ITPRID1: variants seen among roughly 807,000 people sequenced by gnomAD.
The protein encoded by ITPRID1 is ITPR interacting domain containing 1.
Under a neutral mutation model 95.4 loss-of-function variants are expected in ITPRID1, and 96 were observed. The ratio of observed to expected loss-of-function variants is 1.01; its 90% confidence interval spans 0.85 to 1.19. The LOEUF is 1.19. Among genes scored for constraint, ITPRID1 ranks in the 50% most tolerant of loss-of-function variants. ITPRID1 has a pLI of 0.00. For synonymous variants in ITPRID1, 510 were observed against 453.6 expected, an observed-to-expected ratio of 1.12 and a Z score of -1.58; for missense variants, 1,339 against 1,252.9, an observed-to-expected ratio of 1.07 and a Z score of -1.04.
chr7:31,519,638 A>C, intron 1 of ITPRID1, among the ~76,000 whole-genome samples: 1 of 130,320 alleles, frequency 7.7e-6, no homozygotes, highest in South Asian at 2.6e-4. Flanking sequence ...ATATATATAT[A>C]TATATATAAA....
At chr7:31,529,747 G>A in intron 1 of ITPRID1, 1 of 1,534,070 alleles carries the variant, frequency 6.5e-7, no homozygotes, top group Non-Finnish European at 8.7e-7. Context: ...AAAAGGCACA[G>A]AAGATCTCCA....
intron 7 of ITPRID1, among the ~76,000 whole-genome samples, chr7:31,573,823 TTAAA>T (rs1312763108): frequency 4.0e-5 from 6 of 150,282 alleles, no homozygotes; most frequent in African/African-American, 7.3e-5. Context: ...TATAACAAAA[TTAAA>T]TAATTTAGAT....
chr7:31,637,181 G>A (rs369091685), intron 10 of ITPRID1, among the ~76,000 whole-genome samples: 2 of 152,042 alleles, frequency 1.3e-5, no homozygotes, highest in East Asian at 1.9e-4. Context: ...ATTGTGAATA[G>A]TGCCGCAATA....
chr7:31,604,741 A>G (rs1316343029), intron 10 of ITPRID1, among the ~76,000 whole-genome samples: 1 of 152,234 alleles, frequency 6.6e-6, no homozygotes, highest in Non-Finnish European at 1.5e-5. Flanking sequence ...AAGTTTAACA[A>G]GAGATGTGTT....
At chr7:31,528,550 A>G (rs1425377187) in intron 1 of ITPRID1, among the ~76,000 whole-genome samples, 1 of 152,160 alleles carries the variant, frequency 6.6e-6, no homozygotes, top group Non-Finnish European at 1.5e-5. Flanking sequence ...TGGGCTCCTG[A>G]GAGGCAGAAT....
At chr7:31,586,753 T>C (rs1200125563) in intron 10 of ITPRID1, among the ~76,000 whole-genome samples, 1 of 152,022 alleles carries the variant, frequency 6.6e-6, no homozygotes. Flanking sequence ...CTTTGTCAGA[T>C]GAGTAGGTTG....
chr7:31,629,936 T>C (rs1282729388), intron 10 of ITPRID1, among the ~76,000 whole-genome samples: 3 of 152,266 alleles, frequency 2.0e-5, no homozygotes, highest in South Asian at 4.1e-4. Context: ...TTGTAAAATA[T>C]ACAAACATGA....
downstream of ITPRID1, among the ~76,000 whole-genome samples, chr7:31,657,382 T>C (rs1791355242): frequency 6.6e-6 from 1 of 152,220 alleles, no homozygotes; most frequent in Non-Finnish European, 1.5e-5. Flanking sequence ...CATTGAACAT[T>C]AGCAGAAATT....
rs544349969 is a variant in ITPRID1 at position 31,652,636 on chromosome 7, C to A, written c.2942C>A (p.Pro981Gln). ...SCSKIHPGMA[P>Q]RTVFPPDDGQ... ...TCTAAAATCCACCCAGGCATGGCCC[C>A]GAGGACTGTGTTTCCTCCCGATGAT... Residue 981 changes from proline to glutamine, a missense_variant, in exon 15 of 15, where the codon CCG (proline) becomes CAG (glutamine). Physicochemically the swap from Pro to Gln is moderately conservative, Grantham distance 76. Transcript: ENST00000615280. The A allele has an allele frequency of 3.7e-6, 6 of 1,613,786 alleles. No homozygotes were observed. The highest frequency in any genetic ancestry group is 5.1e-6 in the Non-Finnish European group (6 of 1,179,824).
At chr7:31,645,003 C>T (rs1393364660) in intron 12 of ITPRID1, among the ~76,000 whole-genome samples, 1 of 152,168 alleles carries the variant, frequency 6.6e-6, no homozygotes, top group Non-Finnish European at 1.5e-5. Context: ...TTAATCCATT[C>T]CATAAATATT....
intron 10 of ITPRID1, among the ~76,000 whole-genome samples, chr7:31,606,468 AG>A (rs1786630130): frequency 6.6e-6 from 1 of 152,106 alleles, no homozygotes; most frequent in Non-Finnish European, 1.5e-5. Flanking sequence ...CGAGAGAGAG[AG>A]AGAGGAAAAA....
chr7:31,583,093 G>A (rs1224385028), intron 9 of ITPRID1, 41 bp from the exon 10 acceptor site: 1 of 1,450,494 alleles, frequency 6.9e-7, no homozygotes, highest in African/African-American at 1.4e-5. Context: ...GAATTTATTT[G>A]ACAAAATTTC....
At position 31,652,824 on chromosome 7, in the gene ITPRID1, C is replaced by T. The variant is rs1791084331; in HGVS notation, c.3130C>T (p.Leu1044Phe). 6.2e-7 allele frequency: 1 copy of T among 1,611,064 alleles called. No individual in the cohort carries two copies. The highest frequency in any genetic ancestry group is 1.7e-5 in the Admixed American group (1 of 59,966). Reference sequence around the variant, plus strand: ...TGGAGAAAAGGATGCAGATGTCTTCCTCTAGATCAGAGCAGGTTTGTTAAC... The same window carrying T: ...TGGAGAAAAGGATGCAGATGTCTTCTTCTAGATCAGAGCAGGTTTGTTAAC... ...PVGEKDADVFL is the reference protein window; with the variant it reads ...PVGEKDADVFF Residue 1044 changes from leucine to phenylalanine, a missense_variant, in exon 15 of 15, where the codon CTC (leucine) becomes TTC (phenylalanine). By Grantham distance (22) the Leu-to-Phe change is conservative. Coordinates refer to ENST00000615280, the MANE Select transcript of ITPRID1 (RefSeq NM_001257967.3).
chr7:31,623,089 A>C (rs1388309686), intron 10 of ITPRID1, among the ~76,000 whole-genome samples: 3 of 152,178 alleles, frequency 2.0e-5, no homozygotes, highest in East Asian at 1.9e-4. Context: ...CAATAACAGG[A>C]TCTGAAATTG....
chr7:31,580,526 T>C (rs978634142), intron 9 of ITPRID1, among the ~76,000 whole-genome samples: 2 of 152,090 alleles, frequency 1.3e-5, no homozygotes, highest in African/African-American at 2.4e-5. Context: ...ATTTGATAAA[T>C]TTTATATAAC....
rs1265802866 is a variant in ITPRID1 at position 31,651,989 on chromosome 7, T to A, written c.2762T>A (p.Val921Glu). Residue 921 changes from valine (V) to glutamate (E), a missense_variant, in exon 14 of 15, where the codon GTG becomes GAG. Val to Glu is a moderately radical substitution (Grantham distance 121). Coordinates refer to ENST00000615280, the MANE Select transcript of ITPRID1 (RefSeq NM_001257967.3). Reference sequence around the variant, plus strand: ...TTACGTGAGGCCCTGAGGCAGCAGGTGGCAGAGTTGGAATTTCAGTTAGGA... The same window carrying A: ...TTACGTGAGGCCCTGAGGCAGCAGGAGGCAGAGTTGGAATTTCAGTTAGGA... Reference protein sequence around the residue: ...QTLREALRQQVAELEFQLGDR... With the variant: ...QTLREALRQQEAELEFQLGDR... 4 of 1,606,032 alleles carry A rather than the reference T, an allele frequency of 2.5e-6. No homozygotes were observed. Among genetic ancestry groups the A allele is most frequent in the Non-Finnish European group, 3.4e-6 (4 of 1,176,574 alleles).
intron 5 of ITPRID1, among the ~76,000 whole-genome samples, chr7:31,566,556 G>C (rs1784808494): frequency 1.3e-5 from 2 of 152,230 alleles, no homozygotes; most frequent in African/African-American, 2.4e-5. Flanking sequence ...TACATGCAAA[G>C]TAGTAGATAG....
intron 1 of ITPRID1, among the ~76,000 whole-genome samples, chr7:31,523,933 G>T (rs989008515): frequency 6.6e-6 from 1 of 152,162 alleles, no homozygotes; most frequent in African/African-American, 2.4e-5. Context: ...TGACCTAAAT[G>T]TTAGTTGTAA....
chr7:31,636,689 G>C (rs1435330415), intron 10 of ITPRID1, among the ~76,000 whole-genome samples: 1 of 151,526 alleles, frequency 6.6e-6, no homozygotes, highest in Non-Finnish European at 1.5e-5. Context: ...CTAACAGGCT[G>C]TGGGCCCAGA....
Sources: allele counts gnomAD v4.1 joint callset (sites outside exome capture counted in the v4.1 genomes callset), GRCh38; gene constraint gnomAD v4.1.1; transcripts MANE v1.5; gene names NCBI Gene and HGNC (gene_info 2026-07-23, HGNC 2026-07-21).